STS: variants seen among roughly 807,000 people sequenced by gnomAD.
The protein encoded by STS is steroid sulfatase, also known as steryl-sulfatase.
In STS, 7 loss-of-function variants were observed where a neutral mutation model predicts 26.8. The ratio of observed to expected loss-of-function variants is 0.26; its 90% CI spans 0.15 to 0.49. The LOEUF is 0.49. Ranked by LOEUF, STS falls within the 20% of genes least tolerant of loss-of-function variation. The pLI, the probability that STS is intolerant of heterozygous loss-of-function variation, is 0.98. For missense variants in STS, 434 were observed against 465.6 expected, an observed-to-expected ratio of 0.93 and a Z score of 0.63; for synonymous variants, 199 against 189.4, an observed-to-expected ratio of 1.05 and a Z score of -0.42.
rs1927399203 is a variant in STS at position 7,325,534 on chromosome X, T to A, written c.1241+36T>A. ...GCCAGGGTGGTTGGTATTGTTGAGC[T>A]CTGATTTCACAGCCCAGTATGCTCT... On this transcript the variant is annotated intron_variant, in intron 9 of 10. Transcript: ENST00000674429. The A allele has an allele frequency of 8.3e-6, 10 of 1,202,915 alleles. No individual in the cohort carries two copies. In the Middle Eastern group the frequency reaches 8.8e-4, roughly 106 times the overall value.
intron 2 of STS, among the ~76,000 whole-genome samples, chrX:7,211,078 TG>T (rs1181471255): frequency 8.9e-6 from 1 of 112,004 alleles, no homozygotes; most frequent in East Asian, 2.8e-4. Flanking sequence ...GTCACCATGT[TG>T]TAGGAAAGAT....
chrX:7,296,888 G>A (rs1925691914), intron 7 of STS, among the ~76,000 whole-genome samples: 1 of 111,629 alleles, frequency 9.0e-6, no homozygotes, highest in Non-Finnish European at 1.9e-5. Context: ...ACAACAACCA[G>A]GTACAACACA....
At chrX:7,214,964 TTATATATGTATATATACATATATA>T (rs1921193181) in intron 2 of STS, among the ~76,000 whole-genome samples, 1 of 74,447 alleles carries the variant, frequency 1.3e-5, no homozygotes, top group Non-Finnish European at 2.6e-5. Flanking sequence ...TATATATATA[TTATATATGTATATATACATATATA>T]TACGTATATA....
At chrX:7,262,090 C>T (rs1373320673) in intron 6 of STS, among the ~76,000 whole-genome samples, 1 of 112,050 alleles carries the variant, frequency 8.9e-6, no homozygotes, top group African/African-American at 3.2e-5. Context: ...TGAGGGAGCA[C>T]CACACAATTT....
intron 7 of STS, among the ~76,000 whole-genome samples, chrX:7,284,317 A>G (rs188668348): frequency 3.5e-4 from 39 of 111,742 alleles, no homozygotes; most frequent in African/African-American, 1.2e-3. Flanking sequence ...GTCCATGCAC[A>G]CTAAGAAAGC....
At chrX:7,320,026 A>ATATATATATTTATATATTATATATATT (rs1926926172) in intron 8 of STS, among the ~76,000 whole-genome samples, 1 of 92,931 alleles carries the variant, frequency 1.1e-5, no homozygotes, top group Non-Finnish European at 2.1e-5. Context: ...ATATATATTT[A>ATATATATATTTATATATTATATATATT]TATATATATT....
At chrX:7,269,356 G>C (rs1168527137) in intron 6 of STS, among the ~76,000 whole-genome samples, 1 of 103,234 alleles carries the variant, frequency 9.7e-6, no homozygotes, top group Non-Finnish European at 2.0e-5. Flanking sequence ...ATACATTTCT[G>C]TATCTCTGAA....
At chrX:7,328,623 G>C (rs1389962329) in intron 9 of STS, among the ~76,000 whole-genome samples, 1 of 102,248 alleles carries the variant, frequency 9.8e-6, no homozygotes, top group Non-Finnish European at 2.0e-5. Context: ...GTGCAATCTC[G>C]GCTCACTGCA....
chrX:7,343,744 C>T (rs1377572073), intron 10 of STS, among the ~76,000 whole-genome samples: 2 of 111,991 alleles, frequency 1.8e-5, no homozygotes, highest in African/African-American at 3.3e-5. Context: ...CTCTCTTCCC[C>T]GCCTACCGCC....
chrX:7,258,786 CAG>C (rs1339625175), intron 5 of STS, among the ~76,000 whole-genome samples: 5 of 110,739 alleles, frequency 4.5e-5, no homozygotes, highest in African/African-American at 1.3e-4. Flanking sequence ...CCTCATGCCT[CAG>C]GGGTAGGTTC....
intron 6 of STS, among the ~76,000 whole-genome samples, chrX:7,273,397 T>G (rs1195152089): frequency 9.0e-6 from 1 of 111,583 alleles, no homozygotes; most frequent in East Asian, 2.8e-4. Context: ...TCTCCCTCAA[T>G]CAAGTCATAG....
At chrX:7,152,464 C>T (rs1933039357) in intron 1 of STS, among the ~76,000 whole-genome samples, 1 of 111,417 alleles carries the variant, frequency 9.0e-6, no homozygotes, top group South Asian at 3.8e-4. Flanking sequence ...ACTACAGGTG[C>T]CCACCACCAT....
chrX:7,339,690 T>A (rs1928192917), intron 10 of STS, among the ~76,000 whole-genome samples: 1 of 112,054 alleles, frequency 8.9e-6, no homozygotes, highest in Non-Finnish European at 1.9e-5. Context: ...CATAGAACTT[T>A]TAATTTTTTA....
chrX:7,203,777 AAT>A (rs199828183), intron 2 of STS, among the ~76,000 whole-genome samples: 35 of 108,157 alleles, frequency 3.2e-4, no homozygotes, highest in African/African-American at 9.4e-4. Flanking sequence ...TCCATATGCA[AAT>A]ATATATATAT....
At chrX:7,152,353 G>C (rs1305799637) in intron 1 of STS, among the ~76,000 whole-genome samples, 2 of 111,553 alleles carry the variant, frequency 1.8e-5, no homozygotes, top group East Asian at 5.6e-4. Flanking sequence ...ATCTCACTGT[G>C]TTGCCCAGGG....
chrX:7,319,110 T>G (rs1408773748), intron 8 of STS, among the ~76,000 whole-genome samples: 1 of 111,448 alleles, frequency 9.0e-6, no homozygotes, highest in African/African-American at 3.3e-5. Flanking sequence ...GGTTGTAAAA[T>G]ACACAGACAT....
At chrX:7,163,831 C>A (rs1254879065) in intron 1 of STS, among the ~76,000 whole-genome samples, 1 of 111,870 alleles carries the variant, frequency 8.9e-6, no homozygotes, top group African/African-American at 3.3e-5. Context: ...CACTGCAGAA[C>A]TTTTTTTAGA....
At chrX:7,325,154 T>A (rs1365954531) in intron 8 of STS, among the ~76,000 whole-genome samples, 185 bp from the exon 9 acceptor site, 1 of 112,004 alleles carries the variant, frequency 8.9e-6, no homozygotes, top group Admixed American at 9.5e-5. Context: ...TGGTGGTGAC[T>A]GTATCATATA....
intron 6 of STS, among the ~76,000 whole-genome samples, chrX:7,274,150 G>A (rs1358882189): frequency 9.0e-6 from 1 of 111,703 alleles, no homozygotes; most frequent in Non-Finnish European, 1.9e-5. Context: ...TCAACATAAG[G>A]CTTCGTCAGG....
Sources: gnomAD v4.1 joint callset for allele counts (sites outside exome capture counted in the v4.1 genomes callset) on GRCh38, gnomAD v4.1.1 for gene constraint, MANE v1.5 for transcripts, NCBI Gene and HGNC (gene_info 2026-07-23, HGNC 2026-07-21) for gene names.